The following KAT2B variants were observed in gnomAD, a reference collection of about 807,000 sequenced individuals.
KAT2B encodes lysine acetyltransferase 2B.
In KAT2B, 36 loss-of-function variants were observed where a neutral mutation model predicts 105.9. The observed-to-expected ratio is 0.34, with a 90% CI of 0.26 to 0.45. KAT2B has a LOEUF of 0.45. Ranked by LOEUF, KAT2B falls within the 20% of genes least tolerant of loss-of-function variation. The pLI is 1.00. For missense variants in KAT2B, 820 were observed against 1,021.6 expected, an observed-to-expected ratio of 0.80 and a Z score of 2.69; for synonymous variants, 397 against 377.9, an observed-to-expected ratio of 1.05 and a Z score of -0.59.
rs562968958 is a variant in KAT2B at position 20,140,475 on chromosome 3, T to C, written c.2004+111T>C. ...TGTTTACTGGATAGCAAACTCTCGG[T>C]TTGCTGTGGGTTATCTAGATTTCTT... On this transcript the variant is annotated intron_variant, in intron 13 of 17. Transcript: ENST00000263754. 356 of 1,088,956 alleles carry C rather than the reference T, an allele frequency of 3.3e-4. 1 individual carries two copies. Among genetic ancestry groups the C allele is most frequent in the Non-Finnish European group, 4.4e-4 (331 of 749,454 alleles). The allele number at this position is 1,088,956 out of a possible 1,614,324, so 67.5% of individuals were successfully genotyped here.
At chr3:20,085,213 TA>T (rs1314991039) in intron 2 of KAT2B, among the ~76,000 whole-genome samples, 1 of 152,136 alleles carries the variant, frequency 6.6e-6, no homozygotes, top group African/African-American at 2.4e-5. Flanking sequence ...AAAAAGTTTA[TA>T]AGACAAAAAT....
chr3:20,076,833 A>G (rs9823780), intron 2 of KAT2B, among the ~76,000 whole-genome samples: 1 of 152,184 alleles, frequency 6.6e-6, no homozygotes, highest in African/African-American at 2.4e-5. Context: ...GTTGGTATAC[A>G]TTGTTGTTCT....
Position 20,040,533 on chromosome 3 carries a change from G to A in KAT2B, c.56G>A (p.Gly19Glu). ...GGCTGCGGGGCAGGAGCCGGGGCAGGGGCCGGGCCCGGGGCGCTGCCCCCG... is the reference window on the plus strand; with the variant it reads ...GGCTGCGGGGCAGGAGCCGGGGCAGAGGCCGGGCCCGGGGCGCTGCCCCCG... ...PGGCGAGAGA[G>E]AGPGALPPQP... is the part of the protein sequence containing the mutation. The change falls in exon 1 of 18, where the codon GGG (glycine) becomes GAG (glutamate). Residue 19 changes from glycine (G) to glutamate (E), a missense_variant. Physicochemically the swap from Gly to Glu is moderately conservative, Grantham distance 98 (BLOSUM62 -2). Transcript: ENST00000263754. 9.9e-7 allele frequency: 1 copy of A among 1,005,454 alleles called. No individual in the cohort carries two copies. The highest frequency in any genetic ancestry group is 1.2e-6 in the Non-Finnish European group (1 of 838,890). 62.3% of individuals were successfully genotyped at this position (1,005,454 alleles called of 1,614,324 possible).
chr3:20,041,966 A>G (rs1325321942), intron 1 of KAT2B, among the ~76,000 whole-genome samples: 1 of 152,144 alleles, frequency 6.6e-6, no homozygotes, highest in African/African-American at 2.4e-5. Context: ...TTTCCACACC[A>G]TATGCTCAGG....
chr3:20,084,817 A>G (rs1440348224), intron 2 of KAT2B, among the ~76,000 whole-genome samples: 2 of 152,178 alleles, frequency 1.3e-5, no homozygotes, highest in African/African-American at 4.8e-5. Flanking sequence ...TTTCACCTCT[A>G]TTTCATCCAG....
intron 1 of KAT2B, among the ~76,000 whole-genome samples, chr3:20,066,434 C>G (rs543313230): frequency 2.6e-5 from 4 of 152,250 alleles, no homozygotes; most frequent in African/African-American, 7.2e-5. Flanking sequence ...CAGTCTCACT[C>G]TGTCACCTAG....
At chr3:20,119,300 A>G (rs937908886) in intron 7 of KAT2B, among the ~76,000 whole-genome samples, 9 of 146,526 alleles carry the variant, frequency 6.1e-5, no homozygotes, top group Non-Finnish European at 1.2e-4. Flanking sequence ...TTTTTTTACT[A>G]ACTACCATAA....
At chr3:20,125,768 C>A (rs1391152457) in intron 9 of KAT2B, 137 bp from the exon 10 acceptor site, 1 of 672,126 alleles carries the variant, frequency 1.5e-6, no homozygotes, top group Non-Finnish European at 2.6e-6. Context: ...TATGTGTGCA[C>A]ACATGTGTAT....
At chr3:20,063,101 T>C (rs915371518) in intron 1 of KAT2B, among the ~76,000 whole-genome samples, 4 of 152,160 alleles carry the variant, frequency 2.6e-5, no homozygotes, top group African/African-American at 9.7e-5. Flanking sequence ...AGTATCTTGC[T>C]CTGTTTCCCA....
At chr3:20,068,503 C>T (rs1211573784) in intron 1 of KAT2B, among the ~76,000 whole-genome samples, 1 of 151,536 alleles carries the variant, frequency 6.6e-6, no homozygotes. Flanking sequence ...TACCTTTTAT[C>T]CCACCCTCTG....
intron 11 of KAT2B, among the ~76,000 whole-genome samples, chr3:20,136,036 A>C (rs771675789): frequency 6.6e-6 from 1 of 152,162 alleles, no homozygotes; most frequent in African/African-American, 2.4e-5. Context: ...CTAGCCTCAT[A>C]TGGATTAGGG....
chr3:20,057,898 A>G lies in KAT2B; in HGVS notation c.304-14435A>G, dbSNP rs552309171. Among the ~76,000 whole-genome samples, 132 of 152,288 alleles carry G rather than the reference A, an allele frequency of 8.7e-4. 1 individual carries two copies. Among genetic ancestry groups the G allele is most frequent in the African/African-American group, 3.2e-3 (131 of 41,546 alleles). ...TTATAATATTTAGCAAAGGGAGGGC[A>G]GTTTCTTATTCAACTCCAGCATAAA... On this transcript the variant is annotated intron_variant, in intron 1 of 17. Coordinates refer to ENST00000263754, the MANE Select transcript of KAT2B (RefSeq NM_003884.5).
intron 1 of KAT2B, among the ~76,000 whole-genome samples, chr3:20,062,261 T>TATATATAATATATAATATATAAA (rs1698142145): frequency 1.7e-5 from 1 of 59,300 alleles, no homozygotes; most frequent in African/African-American, 5.4e-5. Context: ...TAAAATATGA[T>TATATATAATATATAATATATAAA]ATATAATATA....
chr3:20,138,811 T>C (rs1369888610), intron 12 of KAT2B, among the ~76,000 whole-genome samples: 1 of 152,236 alleles, frequency 6.6e-6, no homozygotes, highest in Non-Finnish European at 1.5e-5. Context: ...TGTTTCAACA[T>C]TGCTTATGGC....
intron 5 of KAT2B, among the ~76,000 whole-genome samples, chr3:20,110,910 C>T (rs1699110254): frequency 6.6e-6 from 1 of 151,970 alleles, no homozygotes; most frequent in Non-Finnish European, 1.5e-5. Context: ...GAGTCTGAGT[C>T]GTTGAAAAAT....
chr3:20,134,458 G>A (rs550157182), intron 11 of KAT2B, among the ~76,000 whole-genome samples: 3 of 152,238 alleles, frequency 2.0e-5, no homozygotes, highest in African/African-American at 7.2e-5. Flanking sequence ...GTGCGTTGGC[G>A]CGATCTCAGC....
chr3:20,127,355 G>A, intron 10 of KAT2B, 68 bp from the exon 11 acceptor site: 1 of 1,411,758 alleles, frequency 7.1e-7, no homozygotes, highest in Middle Eastern at 2.0e-4. Context: ...GGTTAATAAG[G>A]AACACCCCAA....
In KAT2B at chr3:20,122,733, G is replaced by A; in HGVS notation, c.1342G>A (p.Asp448Asn). The stretch of plus-strand genomic sequence containing the variant: ...GGCCAAGAAACCCCGAGTTATGGGG[G>A]ATATTCCGATGGAATTAATCAACGA... ...EEAKKPRVMGDIPMELINEVM... is the reference protein window; with the variant it reads ...EEAKKPRVMGNIPMELINEVM... Residue 448 changes from aspartate (D) to asparagine (N), a missense_variant, in exon 9 of 18, where the codon GAT becomes AAT. Around this residue, in one of 6 missense-constraint regions of KAT2B, gnomAD observed 225 missense variants for 268.1 expected, o/e 0.84. Coordinates refer to ENST00000263754, the MANE Select transcript of KAT2B (RefSeq NM_003884.5). 1 of 1,613,974 alleles carries A rather than the reference G, an allele frequency of 6.2e-7. No homozygotes were observed. Among genetic ancestry groups the A allele is most frequent in the Non-Finnish European group, 8.5e-7 (1 of 1,179,876 alleles).
intron 1 of KAT2B, among the ~76,000 whole-genome samples, chr3:20,063,933 C>T (rs1015208544): frequency 4.6e-5 from 7 of 152,122 alleles, no homozygotes; most frequent in Non-Finnish European, 4.4e-5. Flanking sequence ...TTCTTGTGCA[C>T]ACAGATACCT....
Sources: gnomAD v4.1 joint callset for allele counts (sites outside exome capture counted in the v4.1 genomes callset) on GRCh38, gnomAD v4.1.1 for gene constraint, gnomAD v4.1.1 regional missense constraint, MANE v1.5 for transcripts, NCBI Gene and HGNC (gene_info 2026-07-23, HGNC 2026-07-21) for gene names.